Variants in HEG1 observed in about 807,000 individuals in gnomAD.
HEG1 encodes heart development protein with EGF like domains 1, also known as protein HEG homolog 1.
Under a neutral mutation model 125.6 loss-of-function variants are expected in HEG1, and 56 were observed. That is an observed-to-expected ratio of 0.45 (90% CI 0.36 to 0.56). The LOEUF is 0.56. HEG1 is among the 20% of genes least tolerant of loss of function. HEG1 has a pLI of 0.00. For missense variants in HEG1, 1,523 were observed against 1,670.0 expected, an observed-to-expected ratio of 0.91 and a Z score of 1.53; for synonymous variants, 644 against 668.5, an observed-to-expected ratio of 0.96 and a Z score of 0.57.
intron 1 of HEG1, among the ~76,000 whole-genome samples, chr3:125,035,110 G>A (rs1045851521): frequency 6.6e-6 from 1 of 152,092 alleles, no homozygotes; most frequent in African/African-American, 2.4e-5. Flanking sequence ...GATTACAGGT[G>A]TGCCATCACA....
intron 16 of HEG1, among the ~76,000 whole-genome samples, chr3:124,971,486 T>C (rs1414092393): frequency 6.6e-6 from 1 of 151,636 alleles, no homozygotes; most frequent in Non-Finnish European, 1.5e-5. Context: ...TTCTTTTCTT[T>C]TCTTTTTCTT....
At chr3:124,987,218 TAAA>T (rs1168454972) in intron 14 of HEG1, among the ~76,000 whole-genome samples, 3 of 152,044 alleles carry the variant, frequency 2.0e-5, no homozygotes, top group East Asian at 3.9e-4. Context: ...AAATAAAAAA[TAAA>T]AACTAGGGAG....
chr3:125,038,012 T>C (rs1937562563), intron 1 of HEG1, among the ~76,000 whole-genome samples: 1 of 152,232 alleles, frequency 6.6e-6, no homozygotes. Context: ...CAGTGAATGC[T>C]ACATATGTCA....
At chr3:125,009,682 C>A in intron 8 of HEG1, 23 bp downstream of exon 8, 2 of 1,599,040 alleles carry the variant, frequency 1.3e-6, no homozygotes, top group Non-Finnish European at 1.7e-6. Flanking sequence ...GGAATAAAGT[C>A]CGAAATAGAC....
intron 1 of HEG1, among the ~76,000 whole-genome samples, chr3:125,032,841 A>T (rs1937513387): frequency 1.3e-5 from 2 of 152,164 alleles, no homozygotes; most frequent in African/African-American, 2.4e-5. Flanking sequence ...ACAAGGTGAG[A>T]CTCAGCCATT....
At chr3:124,991,150 CT>C (rs140940360) in intron 12 of HEG1, among the ~76,000 whole-genome samples, 164 bp from the exon 13 acceptor site, 218 of 134,216 alleles carry the variant, frequency 1.6e-3, no homozygotes, top group Non-Finnish European at 2.5e-3. Flanking sequence ...CGGCACAACT[CT>C]TTTTTTTTTT....
intron 5 of HEG1, 51 bp downstream of exon 5, chr3:125,019,211 G>C (rs1017475190): frequency 6.9e-7 from 1 of 1,440,826 alleles, no homozygotes; most frequent in South Asian, 1.2e-5. Context: ...TAAGCATCAT[G>C]AGTCCCTCTC....
chr3:125,051,227 A>G (rs938339652), intron 1 of HEG1, among the ~76,000 whole-genome samples: 1 of 152,214 alleles, frequency 6.6e-6, no homozygotes, highest in African/African-American at 2.4e-5. Context: ...TTTTTAAAAA[A>G]TTTTTACTCA....
At chr3:125,053,300 A>G (rs77800479) in intron 1 of HEG1, among the ~76,000 whole-genome samples, 164 of 152,296 alleles carry the variant, frequency 1.1e-3, no homozygotes, top group African/African-American at 3.2e-3. Flanking sequence ...AAGGCTCCCA[A>G]TCCTGGTTAT....
At chr3:125,048,049 G>T (rs2107714323) in intron 1 of HEG1, among the ~76,000 whole-genome samples, 1 of 152,224 alleles carries the variant, frequency 6.6e-6, no homozygotes, top group Admixed American at 6.5e-5. Flanking sequence ...GGTCTTCAGT[G>T]AGGTCAGATC....
chr3:124,980,443 C>T (rs913053995), intron 14 of HEG1, among the ~76,000 whole-genome samples: 2 of 152,248 alleles, frequency 1.3e-5, no homozygotes, highest in African/African-American at 2.4e-5. Flanking sequence ...TGGAAACAAG[C>T]AGTTTTGTCT....
At chr3:125,017,318 G>T (rs981766346) in intron 5 of HEG1, among the ~76,000 whole-genome samples, 2 of 152,212 alleles carry the variant, frequency 1.3e-5, no homozygotes, top group African/African-American at 2.4e-5. Flanking sequence ...ACCTCCCAAA[G>T]TGCTGGGATT....
intron 5 of HEG1, 39 bp downstream of exon 5, chr3:125,019,223 C>A: frequency 6.5e-7 from 1 of 1,527,390 alleles, no homozygotes; most frequent in South Asian, 1.1e-5. Flanking sequence ...GTCCCTCTCT[C>A]CTCTATGGGG....
chr3:124,998,934 G>A (rs1450285428), intron 11 of HEG1, among the ~76,000 whole-genome samples: 3 of 152,206 alleles, frequency 2.0e-5, no homozygotes, highest in Non-Finnish European at 4.4e-5. Flanking sequence ...TATCTATTGT[G>A]CAGGGAGGAA....
intron 6 of HEG1, among the ~76,000 whole-genome samples, chr3:125,012,039 A>G (rs1937163707): frequency 6.6e-6 from 1 of 152,134 alleles, no homozygotes; most frequent in South Asian, 2.1e-4. Context: ...TTTCATTTAC[A>G]TGTCTCCCCA....
intron 1 of HEG1, among the ~76,000 whole-genome samples, chr3:125,052,470 T>A (rs1365274597): frequency 1.3e-5 from 2 of 152,352 alleles, no homozygotes; most frequent in East Asian, 3.9e-4. Flanking sequence ...GCTGCTCAGC[T>A]ACTCAGCGTC....
chr3:125,034,641 AT>A (rs1206352586), intron 1 of HEG1, among the ~76,000 whole-genome samples: 2 of 152,226 alleles, frequency 1.3e-5, no homozygotes, highest in Non-Finnish European at 2.9e-5. Context: ...CTACAAAAAA[AT>A]AAACAAAATT....
At chr3:124,979,472 A>G (rs1057427241) in intron 14 of HEG1, among the ~76,000 whole-genome samples, 1 of 152,234 alleles carries the variant, frequency 6.6e-6, no homozygotes, top group Non-Finnish European at 1.5e-5. Flanking sequence ...TACATATCAT[A>G]TGTAGAAAGC....
intron 5 of HEG1, 31 bp downstream of exon 5, chr3:125,019,231 G>A (rs1937297890): frequency 1.9e-6 from 3 of 1,553,524 alleles, no homozygotes; most frequent in South Asian, 1.1e-5. Flanking sequence ...CTCCTCTATG[G>A]GGCACAGTTG....
Sources: allele counts gnomAD v4.1 joint callset (sites outside exome capture counted in the v4.1 genomes callset), GRCh38; gene constraint gnomAD v4.1.1; transcripts MANE v1.5; gene names NCBI Gene and HGNC (gene_info 2026-07-23, HGNC 2026-07-21).